The following HSD17B12 variants were observed in gnomAD, a reference collection of about 807,000 sequenced individuals.
HSD17B12 encodes the protein hydroxysteroid 17-beta dehydrogenase 12.
Under a neutral mutation model 39.3 loss-of-function variants are expected in HSD17B12, and 32 were observed. That is an observed-to-expected ratio of 0.81 (90% confidence interval 0.61 to 1.09). The LOEUF (loss-of-function observed/expected upper bound fraction) is 1.09, where lower values mean the gene tolerates loss of function less well. Ranked by LOEUF, HSD17B12 falls within the 50% of genes least tolerant of loss-of-function variation. The pLI is 0.00. For synonymous variants in HSD17B12, 150 were observed against 146.7 expected (o/e 1.02, Z -0.16); for missense variants, 342 against 382.9 (o/e 0.89, Z 0.89).
intron 3 of HSD17B12, among the ~76,000 whole-genome samples, chr11:43,773,722 A>G (rs1950671448): frequency 6.6e-6 from 1 of 152,170 alleles, no homozygotes. Context: ...TTCATAGTGC[A>G]GTGTAAATTT....
chr11:43,815,912 A>G (rs1590323552), intron 5 of HSD17B12, among the ~76,000 whole-genome samples: 1 of 152,228 alleles, frequency 6.6e-6, no homozygotes, highest in Admixed American at 6.5e-5. Context: ...CAGCTCTACC[A>G]AAATGAAAGT....
the HSD17B12 span, among the ~76,000 whole-genome samples, chr11:43,616,044 A>C: frequency 6.6e-6 from 1 of 152,188 alleles, no homozygotes; most frequent in Non-Finnish European, 1.5e-5. Context: ...AGAAGGGGGA[A>C]AAGAGATATC....
Position 43,786,292 on chromosome 11 carries a change from A to T in HSD17B12, c.284-12028A>T, listed in dbSNP as rs11037636. On this transcript the variant is annotated intron_variant, in intron 3 of 10. Coordinates refer to ENST00000278353, the MANE Select transcript of HSD17B12 (RefSeq NM_016142.3). Reference sequence around the variant, plus strand: ...ACTTTCCATTTTGTCACACAGAACAATAAAAAGATTTGTACTCAAATAGAG... The same window carrying T: ...ACTTTCCATTTTGTCACACAGAACATTAAAAAGATTTGTACTCAAATAGAG... Among the ~76,000 whole-genome samples the T allele has an allele frequency of 4.7e-3, 714 of 152,366 alleles. 6 individuals are homozygous for T. The highest frequency in any genetic ancestry group is 0.044 in the East Asian group (231 of 5,194).
the HSD17B12 span, among the ~76,000 whole-genome samples, chr11:43,659,375 C>T: frequency 1.4e-4 from 22 of 152,324 alleles, no homozygotes; most frequent in African/African-American, 2.9e-4. Context: ...CTTCAGCTCA[C>T]GCACAGTGCA....
intron 1 of HSD17B12, among the ~76,000 whole-genome samples, chr11:43,717,391 G>T (rs992589888): frequency 6.6e-6 from 1 of 152,130 alleles, no homozygotes; most frequent in African/African-American, 2.4e-5. Flanking sequence ...AAAAATTCAA[G>T]AATTCATTCA....
At chr11:43,809,193 A>T (rs1951046359) in intron 4 of HSD17B12, among the ~76,000 whole-genome samples, 1 of 152,200 alleles carries the variant, frequency 6.6e-6, no homozygotes, top group Admixed American at 6.5e-5. Flanking sequence ...CAACAATAAC[A>T]ACTCTTCCTC....
At chr11:43,684,395 T>C (rs1420380408) in intron 1 of HSD17B12, among the ~76,000 whole-genome samples, 5 of 152,228 alleles carry the variant, frequency 3.3e-5, no homozygotes, top group African/African-American at 1.2e-4. Context: ...GTCACTGCTA[T>C]AGAGCAATAA....
chr11:43,825,179 G>A (rs1164800466), intron 6 of HSD17B12, among the ~76,000 whole-genome samples: 1 of 151,910 alleles, frequency 6.6e-6, no homozygotes, highest in Non-Finnish European at 1.5e-5. Context: ...TTAGACTATG[G>A]CATCTTCCAC....
At chr11:43,587,475 T>C in the HSD17B12 span, among the ~76,000 whole-genome samples, 2 of 152,254 alleles carry the variant, frequency 1.3e-5, no homozygotes, top group East Asian at 3.8e-4. Flanking sequence ...TCTTGGTTTT[T>C]AGTTGTTCTT....
intron 9 of HSD17B12, among the ~76,000 whole-genome samples, chr11:43,850,917 C>T (rs927423111): frequency 6.6e-6 from 1 of 152,056 alleles, no homozygotes; most frequent in African/African-American, 2.4e-5. Context: ...CAAAATTAGC[C>T]GGGCGTGGTG....
At chr11:43,670,699 T>TTGG in the HSD17B12 span, among the ~76,000 whole-genome samples, 1 of 152,124 alleles carries the variant, frequency 6.6e-6, no homozygotes, top group African/African-American at 2.4e-5. Context: ...GAGACCAGCC[T>TTGG]AGGCGACATA....
At chr11:43,826,632 A>G (rs1005235117) in intron 6 of HSD17B12, among the ~76,000 whole-genome samples, 2 of 150,186 alleles carry the variant, frequency 1.3e-5, no homozygotes, top group South Asian at 2.1e-4. Context: ...AAAACTTAAC[A>G]TTAATAAAAA....
intron 7 of HSD17B12, among the ~76,000 whole-genome samples, chr11:43,837,569 C>T (rs945020784): frequency 6.6e-6 from 1 of 152,132 alleles, no homozygotes; most frequent in Non-Finnish European, 1.5e-5. Context: ...TTCCTGGTAA[C>T]TTTGATTTTA....
At chr11:43,754,597 A>G (rs1054622845) in intron 3 of HSD17B12, among the ~76,000 whole-genome samples, 10 of 152,132 alleles carry the variant, frequency 6.6e-5, no homozygotes, top group Non-Finnish European at 1.2e-4. Flanking sequence ...AAACAAAAAA[A>G]GTTTTTTAAA....
intron 1 of HSD17B12, among the ~76,000 whole-genome samples, chr11:43,729,058 G>A (rs1471951498): frequency 6.6e-6 from 1 of 152,000 alleles, no homozygotes; most frequent in Non-Finnish European, 1.5e-5. Flanking sequence ...TTCAATGTTG[G>A]TATTGTAAAC....
intron 3 of HSD17B12, among the ~76,000 whole-genome samples, chr11:43,764,647 G>A (rs575964349): frequency 6.6e-6 from 1 of 152,160 alleles, no homozygotes; most frequent in African/African-American, 2.4e-5. Context: ...TCCTCTTGAT[G>A]AATTCACTCT....
chr11:43,592,121 A>C, the HSD17B12 span, among the ~76,000 whole-genome samples: 1 of 152,074 alleles, frequency 6.6e-6, no homozygotes, highest in East Asian at 1.9e-4. Context: ...GGTTGATTTC[A>C]TCTCAAATTT....
At chr11:43,772,898 C>T (rs1950663069) in intron 3 of HSD17B12, among the ~76,000 whole-genome samples, 1 of 152,092 alleles carries the variant, frequency 6.6e-6, no homozygotes, top group Admixed American at 6.5e-5. Flanking sequence ...ATCGCTTGAG[C>T]CCAGGCGTTT....
intron 1 of HSD17B12, among the ~76,000 whole-genome samples, chr11:43,720,968 A>T (rs552510913): frequency 1.3e-5 from 2 of 152,102 alleles, no homozygotes; most frequent in South Asian, 4.2e-4. Flanking sequence ...TTTCCATATT[A>T]GCTGGAAATT....
Sources: gnomAD v4.1 joint callset for allele counts (sites outside exome capture counted in the v4.1 genomes callset) on GRCh38, gnomAD v4.1.1 for gene constraint, MANE v1.5 for transcripts, NCBI Gene and HGNC (gene_info 2026-07-23, HGNC 2026-07-21) for gene names.